Variants in ARL8A observed in about 807,000 individuals in gnomAD.
ARL8A encodes the protein ARF like GTPase 8A.
Under a neutral mutation model 31.2 loss-of-function variants are expected in ARL8A, and 10 were observed. The observed-to-expected ratio is 0.32, with a 90% CI of 0.20 to 0.54. The LOEUF is 0.54. Among genes scored for constraint, ARL8A ranks in the 20% least tolerant of loss-of-function variants. The probability of loss-of-function intolerance (pLI) is 0.93; values close to 1 mark genes in which losing one functional copy is unlikely to be tolerated. For missense variants in ARL8A, 129 were observed against 242.8 expected, an observed-to-expected ratio of 0.53 and a Z score of 3.12; for synonymous variants, 70 against 86.9, an observed-to-expected ratio of 0.81 and a Z score of 1.08.
chr1:202,143,592 C>G (rs1655220889), intron 1 of ARL8A, among the ~76,000 whole-genome samples: 1 of 152,222 alleles, frequency 6.6e-6, no homozygotes, highest in Non-Finnish European at 1.5e-5. Context: ...CCATGGAGCT[C>G]ATCTTCCCCT....
chr1:202,143,526 G>A (rs1337228099), intron 1 of ARL8A, among the ~76,000 whole-genome samples: 2 of 152,206 alleles, frequency 1.3e-5, no homozygotes, highest in Non-Finnish European at 2.9e-5. Context: ...CACAAGCCCT[G>A]TCTAGCCTGG....
rs772262414 is a variant in ARL8A, at chr1:202,138,328, A to C, written c.204+40T>G. The C allele has an allele frequency of 4.2e-5, 61 of 1,464,022 alleles. No homozygotes were observed. The highest frequency in any genetic ancestry group is 1.5e-4 in the African/African-American group (9 of 59,522). 90.7% of individuals were successfully genotyped at this position (1,464,022 alleles called of 1,614,324 possible). ...ACACACACACACACACACACACACA[A>C]AAACAGTCCTCTGCACCCCCCAAGC... On this transcript the variant is annotated intron_variant, in intron 2 of 6. Transcript: ENST00000272217. This position sits in a 1 kb window ranked among gnomAD's most constrained non-coding sequence, Gnocchi z 4.4.
rs1378064246 is a variant in ARL8A at position 202,138,320 on chromosome 1, C to G, written c.204+48G>C. On this transcript the variant is annotated intron_variant, in intron 2 of 6. Coordinates refer to ENST00000272217, the MANE Select transcript of ARL8A (RefSeq NM_138795.4). The surrounding 1 kb of genome is among the most constrained non-coding windows in gnomAD (Gnocchi z 4.4). ...ACACACACACACACACACACACACA[C>G]ACACACAAAAACAGTCCTCTGCACC... The G allele has an allele frequency of 2.0e-6, 3 of 1,496,518 alleles. No homozygotes were observed. Among genetic ancestry groups the G allele is most frequent in the Non-Finnish European group, 2.8e-6 (3 of 1,076,176 alleles). 92.7% of individuals were successfully genotyped at this position (1,496,518 alleles called of 1,614,324 possible).
intron 1 of ARL8A, among the ~76,000 whole-genome samples, chr1:202,142,015 C>T (rs1422696521): frequency 2.6e-5 from 4 of 152,060 alleles, no homozygotes; most frequent in African/African-American, 9.7e-5. Context: ...TTACAGGTGG[C>T]CACCACCATG....
At position 202,135,072 on chromosome 1, in the gene ARL8A, G is replaced by A; in HGVS notation, c.511+78C>T. 7.0e-7 allele frequency: 1 copy of A among 1,422,024 alleles called. No homozygotes were observed. The highest frequency in any genetic ancestry group is 1.4e-5 in the African/African-American group (1 of 70,908). The allele number at this position is 1,422,024 out of a possible 1,614,324, so 88.1% of individuals were successfully genotyped here. On this transcript the variant is annotated intron_variant, in intron 6 of 6. Coordinates refer to ENST00000272217, the MANE Select transcript of ARL8A (RefSeq NM_138795.4). This position sits in a 1 kb window ranked among gnomAD's most constrained non-coding sequence, Gnocchi z 5.3. The stretch of plus-strand genomic sequence containing the variant: ...AGGGCTTTGGACTTCAGGGAAAGTT[G>A]TGGAGCGAGAACCTGAGAGCCACTA...
At chr1:202,142,817 C>T (rs60471116) in intron 1 of ARL8A, among the ~76,000 whole-genome samples, 85,882 of 151,802 alleles carry the variant, frequency 0.57, 24,420 homozygotes, top group South Asian at 0.64. Flanking sequence ...CGAACCCACC[C>T]GGGTACCTGT....
intron 1 of ARL8A, among the ~76,000 whole-genome samples, chr1:202,141,888 G>A (rs1250527317): frequency 6.6e-6 from 1 of 151,098 alleles, no homozygotes. Flanking sequence ...TTTTGAGACG[G>A]AGTTTCGCTC....
chr1:202,136,368 C>T (rs1483933046), intron 3 of ARL8A, among the ~76,000 whole-genome samples: 2 of 151,496 alleles, frequency 1.3e-5, no homozygotes, highest in African/African-American at 4.9e-5. Context: ...CCACCTCCGC[C>T]TGCCAGGTTC....
rs771636699 is a variant in ARL8A at position 202,135,746 on chromosome 1, G to A, written c.333C>T (p.Leu111=). The stretch of plus-strand genomic sequence containing the variant: ...GCTGAGGTTTGTCCAGTAGGTTGTG[G>A]AGCTCGTTCTTAGAGGCCTCAATCT... The part of the protein sequence containing the change: ...QEKIEASKNE[L]HNLLDKPQLQ... Residue 111 remains leucine (L), a synonymous_variant, in exon 4 of 7, where the codon CTC becomes CTT. Coordinates refer to ENST00000272217, the MANE Select transcript of ARL8A (RefSeq NM_138795.4). The surrounding 1 kb of genome is among the most constrained non-coding windows in gnomAD (Gnocchi z 5.3). The A allele has an allele frequency of 3.7e-6, 6 of 1,614,146 alleles. No homozygotes were observed. The highest frequency in any genetic ancestry group is 5.1e-6 in the Non-Finnish European group (6 of 1,180,022).
At position 202,144,437 on chromosome 1, in the gene ARL8A, G is replaced by C. The variant is rs781469360; in HGVS notation, c.123+13C>G. The C allele has an allele frequency of 3.6e-6, 5 of 1,393,808 alleles. No homozygotes were observed. Among genetic ancestry groups the C allele is most frequent in the African/African-American group, 1.5e-5 (1 of 65,910 alleles). The allele number at this position is 1,393,808 out of a possible 1,614,324, so 86.3% of individuals were successfully genotyped here. Reference sequence around the variant, plus strand: ...GCCCGCGCCCGGGGACCCCGCGCCCGACGCCCTCGTACCGCGATCACGTTG... The same window carrying C: ...GCCCGCGCCCGGGGACCCCGCGCCCCACGCCCTCGTACCGCGATCACGTTG... On this transcript the variant is annotated intron_variant, in intron 1 of 6. Transcript: ENST00000272217. This position sits in a 1 kb window ranked among gnomAD's most constrained non-coding sequence, Gnocchi z 5.2.
rs372713531 is a variant in ARL8A, at chr1:202,144,595, C to T, written c.-23G>A. ...CATGGTCGCTGCCGCCGGCCCCGCC[C>T]GGTGCCAGGTCCCCGCCGCCCCTCG... On this transcript the variant is annotated 5_prime_UTR_variant, in exon 1 of 7. Transcript: ENST00000272217. This position sits in a 1 kb window ranked among gnomAD's most constrained non-coding sequence, Gnocchi z 5.2. 4 of 1,398,942 alleles carry T rather than the reference C, an allele frequency of 2.9e-6. No individual in the cohort carries two copies. Among genetic ancestry groups the T allele is most frequent in the Admixed American group, 2.1e-5 (1 of 47,646 alleles). 86.7% of individuals were successfully genotyped at this position (1,398,942 alleles called of 1,614,324 possible). A position where few individuals can be genotyped will look rare whatever the true frequency, so the allele number is the denominator to read the frequency against.
At position 202,138,472 on chromosome 1, in the gene ARL8A, A is replaced by G. The variant is rs1655077904; in HGVS notation, c.124-24T>C. The G allele has an allele frequency of 6.2e-7, 1 of 1,608,136 alleles. No individual in the cohort carries two copies. The highest frequency in any genetic ancestry group is 8.5e-7 in the Non-Finnish European group (1 of 1,174,742). On this transcript the variant is annotated intron_variant, in intron 1 of 6. Transcript: ENST00000272217. The surrounding 1 kb of genome is among the most constrained non-coding windows in gnomAD (Gnocchi z 4.4). ...GACTGGAAAGAAGACTCAGAATGGG[A>G]AACAGTGCAAAAATCGATATGCCCC... is the stretch of plus-strand genomic sequence containing the variant.
intron 3 of ARL8A, 46 bp downstream of exon 3, chr1:202,137,919 G>T: frequency 6.2e-7 from 1 of 1,608,248 alleles, no homozygotes; most frequent in Non-Finnish European, 8.5e-7. Flanking sequence ...CAGGGCTAGG[G>T]GGGCCGGGTA....
rs775955342 is a variant in ARL8A, at chr1:202,135,801, C to T, written c.279-1G>A. On this transcript the variant is annotated splice_acceptor_variant, in intron 3 of 6. Coordinates refer to ENST00000272217, the MANE Select transcript of ARL8A (RefSeq NM_138795.4). LOFTEE classifies it high-confidence loss of function. This position sits in a 1 kb window ranked among gnomAD's most constrained non-coding sequence, Gnocchi z 5.3. Reference sequence around the variant, plus strand: ...CTGGTCAGCAGCATCCACCATGTACCTGGGGAAAGAGGCAGGGTGGGGACA... The same window carrying T: ...CTGGTCAGCAGCATCCACCATGTACTTGGGGAAAGAGGCAGGGTGGGGACA... 1 of 1,613,658 alleles carries T rather than the reference C, an allele frequency of 6.2e-7. No individual in the cohort carries two copies. The highest frequency in any genetic ancestry group is 1.7e-5 in the Admixed American group (1 of 60,010).
rs908485344 is a variant in ARL8A, at chr1:202,135,548, G to A, written c.373-22C>T. 6 of 1,613,460 alleles carry A rather than the reference G, an allele frequency of 3.7e-6. No individual in the cohort carries two copies. The highest frequency in any genetic ancestry group is 5.1e-6 in the Non-Finnish European group (6 of 1,179,560). On this transcript the variant is annotated intron_variant, in intron 4 of 6. Transcript: ENST00000272217. The surrounding 1 kb of genome is among the most constrained non-coding windows in gnomAD (Gnocchi z 5.3). ...AGACCTACGGAGAAGGGAGGGTGAG[G>A]ATGAGGTCTAGGGCAGCCGTGCCCA... is the stretch of plus-strand genomic sequence containing the variant.
At chr1:202,139,938 G>A (rs1177903491) in intron 1 of ARL8A, among the ~76,000 whole-genome samples, 1 of 151,866 alleles carries the variant, frequency 6.6e-6, no homozygotes, top group Non-Finnish European at 1.5e-5. Context: ...GTGAGCCACG[G>A]TGCCCGGCCA....
In ARL8A at chr1:202,134,115, A is replaced by G. The variant is rs1654937183; in HGVS notation, c.*352T>C. The G allele has an allele frequency of 3.3e-6, 1 of 301,988 alleles. No individual in the cohort carries two copies. Among genetic ancestry groups the G allele is most frequent in the African/African-American group, 2.1e-5 (1 of 46,614 alleles). 18.7% of individuals were successfully genotyped at this position (301,988 alleles called of 1,614,324 possible). On this transcript the variant is annotated 3_prime_UTR_variant, in exon 7 of 7. Transcript: ENST00000272217. The surrounding 1 kb of genome is among the most constrained non-coding windows in gnomAD (Gnocchi z 4.2). ...AAATATATATACATATATATACTGT[A>G]CACACAGGACAATAACAGAGAGTGT...
intron 1 of ARL8A, among the ~76,000 whole-genome samples, chr1:202,143,682 G>A (rs1655223638): frequency 6.6e-6 from 1 of 152,162 alleles, no homozygotes; most frequent in Non-Finnish European, 1.5e-5. Flanking sequence ...CAGTGTTGAC[G>A]ACCCAAAGCC....
intron 3 of ARL8A, among the ~76,000 whole-genome samples, chr1:202,137,092 G>A (rs1428870416): frequency 6.6e-6 from 1 of 151,898 alleles, no homozygotes; most frequent in Non-Finnish European, 1.5e-5. Context: ...TTCTGACCTC[G>A]TGATCCGCCC....
Sources: gnomAD v4.1 joint callset for allele counts (sites outside exome capture counted in the v4.1 genomes callset) on GRCh38, gnomAD v4.1.1 for gene constraint, Gnocchi (gnomAD v3.1) non-coding constraint, MANE v1.5 for transcripts, NCBI Gene and HGNC (gene_info 2026-07-23, HGNC 2026-07-21) for gene names.